The following COL4A2 variants were observed in gnomAD, a reference collection of about 807,000 sequenced individuals.
COL4A2 encodes collagen type IV alpha 2 chain.
A neutral mutation model predicts 200.2 loss-of-function variants in COL4A2; 99 were observed. That is an observed-to-expected ratio of 0.49 (90% confidence interval 0.42 to 0.58). The LOEUF is 0.58. Ranked by LOEUF, COL4A2 falls within the 20% of genes least tolerant of loss-of-function variation. The pLI is 0.00. For synonymous variants in COL4A2, 897 were observed against 900.6 expected (o/e 1.00, Z 0.07); for missense variants, 1,950 against 2,314.1 (o/e 0.84, Z 3.23).
rs74124295 is a variant in COL4A2 at position 110,345,281 on chromosome 13, A to G, written c.100-12191A>G. On this transcript the variant is annotated intron_variant, in intron 3 of 47. Coordinates refer to ENST00000360467, the MANE Select transcript of COL4A2 (RefSeq NM_001846.4). ...CTTCAGAGGTGTTCATACTCAATGC[A>G]TTGAAAATCCTCACATTCCCTCAGC... Among the ~76,000 whole-genome samples the G allele has an allele frequency of 2.2e-3, 329 of 152,372 alleles. 1 individual carries two copies. Among genetic ancestry groups the G allele is most frequent in the African/African-American group, 7.6e-3 (315 of 41,580 alleles).
In COL4A2 at chr13:110,491,220, T is replaced by C. The variant is rs2139536118; in HGVS notation, c.3347-13T>C. The stretch of plus-strand genomic sequence containing the variant: ...GTGTCTGTTTGTTCCAAGCAGCATG[T>C]CTGTGGTTGCAGGTCTGAAGGGATT... On this transcript the variant is annotated splice_polypyrimidine_tract_variant and intron_variant, in intron 36 of 47. Transcript: ENST00000360467. The C allele has an allele frequency of 6.4e-7, 1 of 1,572,590 alleles. No homozygotes were observed. The highest frequency in any genetic ancestry group is 1.2e-5 in the South Asian group (1 of 86,436).
At chr13:110,406,827 G>T (rs1420409545) in intron 4 of COL4A2, among the ~76,000 whole-genome samples, 1 of 152,186 alleles carries the variant, frequency 6.6e-6, no homozygotes, top group Non-Finnish European at 1.5e-5. Flanking sequence ...ATCCTTGGCA[G>T]CAGTCCTCAT....
chr13:110,382,590 C>T (rs1878534947), intron 4 of COL4A2, among the ~76,000 whole-genome samples: 1 of 152,152 alleles, frequency 6.6e-6, no homozygotes. Context: ...CAATGTCACA[C>T]AAAGTAAATA....
intron 3 of COL4A2, among the ~76,000 whole-genome samples, chr13:110,316,617 A>G (rs1354230129): frequency 6.6e-6 from 1 of 152,194 alleles, no homozygotes; most frequent in Admixed American, 6.5e-5. Context: ...AACCTCTCGG[A>G]GCAGCTAAAA....
chr13:110,494,242 G>A (rs2139540093), intron 39 of COL4A2, among the ~76,000 whole-genome samples: 1 of 152,262 alleles, frequency 6.6e-6, no homozygotes, highest in South Asian at 2.1e-4. Flanking sequence ...ACAGCAACTG[G>A]ATGATCCTCA....
chr13:110,420,988 T>A (rs1214508375), intron 4 of COL4A2, among the ~76,000 whole-genome samples: 5 of 152,254 alleles, frequency 3.3e-5, no homozygotes, highest in Non-Finnish European at 4.4e-5. Flanking sequence ...GATGGAATTC[T>A]GTGAAATGTT....
At chr13:110,432,964 A>G (rs7338948) in intron 11 of COL4A2, among the ~76,000 whole-genome samples, 79,023 of 152,120 alleles carry the variant, frequency 0.52, 21,695 homozygotes, top group African/African-American at 0.71. Flanking sequence ...AAGCTGGATA[A>G]ATGTCCAAGA....
chr13:110,318,051 A>G (rs1445150939), intron 3 of COL4A2, among the ~76,000 whole-genome samples: 1 of 152,170 alleles, frequency 6.6e-6, no homozygotes, highest in Non-Finnish European at 1.5e-5. Context: ...GTGGTCTGTT[A>G]AAAAGAAGTG....
At chr13:110,313,632 C>T (rs4773152) in intron 3 of COL4A2, among the ~76,000 whole-genome samples, 1 of 42 alleles carries the variant, frequency 0.024, no homozygotes, top group African/African-American at 0.028. Context: ...GGCAGGCTCC[C>T]ACCCCGGTGC....
At chr13:110,424,614 C>A in intron 4 of COL4A2, 120 bp from the exon 5 acceptor site, 1 of 597,182 alleles carries the variant, frequency 1.7e-6, no homozygotes, top group South Asian at 2.7e-5. Context: ...ATATAATGTT[C>A]CCTGTAGATT....
At chr13:110,391,711 A>G (rs1310527554) in intron 4 of COL4A2, among the ~76,000 whole-genome samples, 2 of 152,182 alleles carry the variant, frequency 1.3e-5, no homozygotes, top group East Asian at 3.9e-4. Flanking sequence ...CAGGGTCGTC[A>G]TTGGGATTCG....
At chr13:110,487,461 GA>G (rs1411949015) in intron 34 of COL4A2, among the ~76,000 whole-genome samples, 1 of 152,000 alleles carries the variant, frequency 6.6e-6, no homozygotes, top group Non-Finnish European at 1.5e-5. Context: ...TCAAAAAAAA[GA>G]CAAGAAAAAA....
At chr13:110,436,647 T>C (rs1049828115) in intron 13 of COL4A2, among the ~76,000 whole-genome samples, 4 of 152,082 alleles carry the variant, frequency 2.6e-5, no homozygotes, top group African/African-American at 9.7e-5. Flanking sequence ...TATCTATCCT[T>C]ACATTCAGTG....
At chr13:110,458,197 G>A (rs1209485058) in intron 21 of COL4A2, 1 of 456,400 alleles carries the variant, frequency 2.2e-6, no homozygotes, top group Non-Finnish European at 4.5e-6. Context: ...AGGAAGTGGG[G>A]CCTCCCCACT....
chr13:110,313,166 T>C lies in COL4A2; in HGVS notation c.99+5043T>C, dbSNP rs1349870492. Among the ~76,000 whole-genome samples, 4 of 152,330 alleles carry C rather than the reference T, an allele frequency of 2.6e-5. No individual in the cohort carries two copies. The East Asian group carries it at 5.8e-4, about 22-fold the overall frequency. On this transcript the variant is annotated intron_variant, in intron 3 of 47. Transcript: ENST00000360467. ...CCAGTAAATATGTGACATTTCTCAGTTGAGATGAGGAAAAGGGCAGAGTTC... is the reference window on the plus strand; with the variant it reads ...CCAGTAAATATGTGACATTTCTCAGCTGAGATGAGGAAAAGGGCAGAGTTC...
chr13:110,395,487 C>T lies in COL4A2; in HGVS notation c.181-29247C>T, dbSNP rs111520438. On this transcript the variant is annotated intron_variant, in intron 4 of 47. Coordinates refer to ENST00000360467, the MANE Select transcript of COL4A2 (RefSeq NM_001846.4). ...CTGTGTCTCTCTCTCCACTCCCTGC[C>T]CCACTCCTCATGTTGCAAAGTTAAA... Among the ~76,000 whole-genome samples, 787 of 152,264 alleles carry T rather than the reference C, an allele frequency of 5.2e-3. 6 individuals are homozygous for T. The highest frequency in any genetic ancestry group is 0.018 in the African/African-American group (754 of 41,560).
chr13:110,386,598 G>A (rs1878761790), intron 4 of COL4A2, among the ~76,000 whole-genome samples: 1 of 152,144 alleles, frequency 6.6e-6, no homozygotes, highest in Non-Finnish European at 1.5e-5. Flanking sequence ...AAGTGCTATT[G>A]CTATTATAAT....
At chr13:110,358,962 A>C (rs982632922) in intron 4 of COL4A2, among the ~76,000 whole-genome samples, 5 of 152,218 alleles carry the variant, frequency 3.3e-5, no homozygotes, top group Admixed American at 3.3e-4. Flanking sequence ...ATATATGTGC[A>C]TATATAAAGC....
intron 4 of COL4A2, among the ~76,000 whole-genome samples, chr13:110,382,828 T>C (rs763745194): frequency 3.3e-5 from 5 of 152,228 alleles, no homozygotes; most frequent in Non-Finnish European, 7.3e-5. Context: ...TTTTTCCTAT[T>C]GAAAATATAC....
Sources: allele counts gnomAD v4.1 joint callset (sites outside exome capture counted in the v4.1 genomes callset), GRCh38; gene constraint gnomAD v4.1.1; transcripts MANE v1.5; gene names NCBI Gene and HGNC (gene_info 2026-07-23, HGNC 2026-07-21).